The following CCDC91 variants were observed in gnomAD, a reference collection of about 807,000 sequenced individuals.
CCDC91 encodes the protein coiled-coil domain containing 91.
A neutral mutation model predicts 63.2 loss-of-function variants in CCDC91; 48 were observed. The ratio of observed to expected loss-of-function variants is 0.76; its 90% confidence interval spans 0.60 to 0.97. CCDC91 has a LOEUF of 0.97. Among genes scored for constraint, CCDC91 ranks in the 50% least tolerant of loss-of-function variants. CCDC91 has a pLI of 0.00. For synonymous variants in CCDC91, 167 were observed against 165.8 expected (o/e 1.01, Z -0.06); for missense variants, 500 against 494.6 (o/e 1.01, Z -0.10).
chr12:28,542,119 T>C (rs111750787), intron 12 of CCDC91, among the ~76,000 whole-genome samples: 6 of 152,108 alleles, frequency 3.9e-5, no homozygotes, highest in African/African-American at 1.2e-4. Flanking sequence ...TGGAAAGTTA[T>C]AGTAGATTCT....
At chr12:28,365,095 A>T (rs1186141232) in intron 7 of CCDC91, among the ~76,000 whole-genome samples, 3 of 152,328 alleles carry the variant, frequency 2.0e-5, no homozygotes, top group African/African-American at 7.2e-5. Context: ...AAAAAATTAA[A>T]TATAACTTCG....
At chr12:28,455,228 A>G (rs566240144) in intron 11 of CCDC91, among the ~76,000 whole-genome samples, 1 of 152,284 alleles carries the variant, frequency 6.6e-6, no homozygotes, top group Admixed American at 6.5e-5. Context: ...AAAATTTTCA[A>G]ATAAGTTTAT....
At chr12:28,365,357 T>G (rs1043797021) in intron 7 of CCDC91, among the ~76,000 whole-genome samples, 4 of 152,178 alleles carry the variant, frequency 2.6e-5, no homozygotes, top group African/African-American at 9.7e-5. Flanking sequence ...GAAAATATTG[T>G]GGAGTTAGAA....
intron 1 of CCDC91, among the ~76,000 whole-genome samples, chr12:28,256,512 T>A (rs1946461230): frequency 6.6e-6 from 1 of 151,822 alleles, no homozygotes; most frequent in African/African-American, 2.4e-5. Context: ...AAAAAGCAAA[T>A]AATATTTGAG....
intron 7 of CCDC91, among the ~76,000 whole-genome samples, chr12:28,376,297 A>G (rs1316685788): frequency 6.6e-6 from 1 of 151,706 alleles, no homozygotes; most frequent in Non-Finnish European, 1.5e-5. Flanking sequence ...GCATACGTGT[A>G]TGTGCTTATA....
rs1952117166 is a variant in CCDC91 at position 28,493,452 on chromosome 12, G to A, written c.1215+9287G>A. Among the ~76,000 whole-genome samples the A allele has an allele frequency of 2.6e-5, 4 of 151,714 alleles. No individual in the cohort carries two copies. In the East Asian group the frequency reaches 5.8e-4, roughly 22 times the overall value. On this transcript the variant is annotated intron_variant, in intron 12 of 12. Coordinates refer to ENST00000536442, the MANE Select transcript of CCDC91 (RefSeq NM_018318.5). Reference sequence around the variant, plus strand: ...AGACCCAGATAAATTGGGAAGAAAAGTAGAACTTTGGTCACATGTGTATAT... The same window carrying A: ...AGACCCAGATAAATTGGGAAGAAAAATAGAACTTTGGTCACATGTGTATAT...
intron 3 of CCDC91, among the ~76,000 whole-genome samples, chr12:28,296,535 C>G (rs577788612): frequency 6.6e-6 from 1 of 151,832 alleles, no homozygotes; most frequent in East Asian, 1.9e-4. Context: ...CCATCTTGGC[C>G]TTTTAAAAGC....
intron 11 of CCDC91, 54 bp downstream of exon 11, chr12:28,452,708 A>C: frequency 1.1e-6 from 1 of 921,642 alleles, no homozygotes. Flanking sequence ...TTTTCTCAAA[A>C]TGAAGTACCC....
chr12:28,475,645 G>T (rs553946336), intron 11 of CCDC91, among the ~76,000 whole-genome samples: 3 of 151,880 alleles, frequency 2.0e-5, no homozygotes, highest in East Asian at 3.9e-4. Flanking sequence ...TTTTCCCTCT[G>T]TCTTGAGTGC....
chr12:28,356,538 A>T (rs1179134997), intron 6 of CCDC91, among the ~76,000 whole-genome samples: 1 of 152,028 alleles, frequency 6.6e-6, no homozygotes, highest in Admixed American at 6.6e-5. Context: ...TGCCCCACAG[A>T]TTTCCTTTTG....
At chr12:28,423,124 C>A (rs572239891) in intron 8 of CCDC91, among the ~76,000 whole-genome samples, 9 of 151,994 alleles carry the variant, frequency 5.9e-5, no homozygotes, top group African/African-American at 2.2e-4. Context: ...AGAATTGTGA[C>A]CAAGGGACAT....
intron 12 of CCDC91, among the ~76,000 whole-genome samples, chr12:28,497,360 C>T (rs1004605622): frequency 6.6e-6 from 1 of 151,532 alleles, no homozygotes; most frequent in African/African-American, 2.4e-5. Flanking sequence ...TTAAGTCACA[C>T]ATGTTAAGCT....
intron 7 of CCDC91, among the ~76,000 whole-genome samples, chr12:28,373,608 C>G (rs1944757431): frequency 1.9e-5 from 1 of 51,354 alleles, no homozygotes; most frequent in Non-Finnish European, 5.7e-5. Flanking sequence ...ATACAAGTTT[C>G]TATACATTTT....
intron 7 of CCDC91, among the ~76,000 whole-genome samples, chr12:28,370,908 A>T (rs1165451925): frequency 6.6e-6 from 1 of 152,162 alleles, no homozygotes; most frequent in Non-Finnish European, 1.5e-5. Context: ...TGAGAACAGC[A>T]TGGAGGAAAT....
chr12:28,222,662 T>C (rs1371168051), intron 1 of CCDC91, among the ~76,000 whole-genome samples: 1 of 152,192 alleles, frequency 6.6e-6, no homozygotes, highest in African/African-American at 2.4e-5. Context: ...TAGTTAGAGA[T>C]CCTCAGTATA....
At chr12:28,337,350 C>G (rs555220586) in intron 6 of CCDC91, among the ~76,000 whole-genome samples, 9 of 152,136 alleles carry the variant, frequency 5.9e-5, no homozygotes, top group African/African-American at 2.2e-4. Flanking sequence ...CATAACAAAC[C>G]TGCCCCATTT....
At chr12:28,303,013 A>G (rs554899882) in intron 3 of CCDC91, among the ~76,000 whole-genome samples, 4 of 152,140 alleles carry the variant, frequency 2.6e-5, no homozygotes, top group Non-Finnish European at 5.9e-5. Context: ...AATCAAGGAA[A>G]TGGTAGTCAA....
chr12:28,192,285 T>G (rs1382674275), intron 1 of CCDC91, among the ~76,000 whole-genome samples: 1 of 152,196 alleles, frequency 6.6e-6, no homozygotes, highest in African/African-American at 2.4e-5. Context: ...TACTCTTATC[T>G]ATATGTGTCA....
intron 10 of CCDC91, among the ~76,000 whole-genome samples, chr12:28,451,372 A>G (rs1248066017): frequency 6.6e-6 from 1 of 151,692 alleles, no homozygotes; most frequent in Non-Finnish European, 1.5e-5. Flanking sequence ...TGGAGTCAAC[A>G]TATATGTTTG....
Sources: allele counts gnomAD v4.1 joint callset (sites outside exome capture counted in the v4.1 genomes callset), GRCh38; gene constraint gnomAD v4.1.1; transcripts MANE v1.5; gene names NCBI Gene and HGNC (gene_info 2026-07-23, HGNC 2026-07-21).